The following DSE variants were observed in gnomAD, a reference collection of about 807,000 sequenced individuals.
DSE encodes the protein dermatan-sulfate epimerase.
A neutral mutation model predicts 84.4 loss-of-function variants in DSE; 36 were observed. That is an observed-to-expected ratio of 0.43 (90% CI 0.33 to 0.56). DSE has a LOEUF of 0.56. Ranked by LOEUF, DSE falls within the 20% of genes least tolerant of loss-of-function variation. The pLI is 0.06. For synonymous variants in DSE, 410 were observed against 430.1 expected (o/e 0.95, Z 0.58); for missense variants, 862 against 1,169.6 (o/e 0.74, Z 3.84).
intron 2 of DSE, among the ~76,000 whole-genome samples, chr6:116,330,183 T>C (rs1323338104): frequency 1.3e-5 from 2 of 152,244 alleles, no homozygotes; most frequent in African/African-American, 2.4e-5. Context: ...AGCTAAAATA[T>C]ATACTTTATT....
At chr6:116,371,280 C>T (rs1779543282) in intron 1 of DSE, among the ~76,000 whole-genome samples, 159 bp downstream of exon 1, 1 of 152,194 alleles carries the variant, frequency 6.6e-6, no homozygotes, top group Admixed American at 6.5e-5. Context: ...GCGCCCGGGC[C>T]CGGCTCGGCT....
intron 2 of DSE, among the ~76,000 whole-genome samples, chr6:116,358,346 G>C (rs1287952529): frequency 6.6e-6 from 1 of 152,218 alleles, no homozygotes; most frequent in Non-Finnish European, 1.5e-5. Context: ...GCAGACTGCA[G>C]CCTACATTGG....
intron 3 of DSE, among the ~76,000 whole-genome samples, chr6:116,428,609 A>G (rs1306187099): frequency 6.6e-6 from 1 of 152,208 alleles, no homozygotes; most frequent in African/African-American, 2.4e-5. Context: ...ATAAGTACAC[A>G]CATTTATGAC....
intron 2 of DSE, chr6:116,355,864 A>G (rs1032665750): frequency 6.6e-6 from 1 of 152,252 alleles, no homozygotes; most frequent in African/African-American, 2.4e-5. Flanking sequence ...GTTCTTTAAC[A>G]CATTTTAACT....
At position 116,433,545 on chromosome 6, in the gene DSE, T is replaced by C. The variant is rs1026502190; in HGVS notation, c.1113T>C (p.Phe371=). ...GQRWCTLHTE[F]LWYDGSLKSV... is the part of the protein sequence containing the mutation. ...GCTGGTGCACTCTGCACACAGAATT[T>C]CTCTGGTATGACACATTGGGCTAGC... The change falls in exon 5 of 6, where the codon TTT becomes TTC. Residue 371 remains phenylalanine, a synonymous_variant. Coordinates refer to ENST00000644252, the MANE Select transcript of DSE (RefSeq NM_013352.4). The C allele has an allele frequency of 1.3e-6, 2 of 1,586,704 alleles. No individual in the cohort carries two copies. The highest frequency in any genetic ancestry group is 2.7e-5 in the African/African-American group (2 of 74,568).
intron 2 of DSE, among the ~76,000 whole-genome samples, chr6:116,356,030 C>T (rs894736311): frequency 1.3e-5 from 2 of 152,264 alleles, no homozygotes; most frequent in African/African-American, 4.8e-5. Context: ...TATTGCTTCC[C>T]TTATTCAACC....
intron 2 of DSE, among the ~76,000 whole-genome samples, chr6:116,356,480 C>T (rs552199832): frequency 6.6e-6 from 1 of 152,246 alleles, no homozygotes; most frequent in Non-Finnish European, 1.5e-5. Flanking sequence ...TTTTTAAAAA[C>T]ATATTTTAAT....
chr6:116,435,258 T>C (rs760282953), intron 5 of DSE, among the ~76,000 whole-genome samples: 13 of 152,196 alleles, frequency 8.5e-5, no homozygotes, highest in African/African-American at 3.1e-4. Context: ...GAAATTTGGA[T>C]GAAGTGCTTA....
rs558482476 is a variant in DSE, at chr6:116,386,432, A to G, written c.-53-12766A>G. Reference sequence around the variant, plus strand: ...TATTTAACACAGCCAAAGGATACAGATTAAACTTAGCAAAGGGCAAAGGCA... The same window carrying G: ...TATTTAACACAGCCAAAGGATACAGGTTAAACTTAGCAAAGGGCAAAGGCA... On this transcript the variant is annotated intron_variant, in intron 1 of 5. Transcript: ENST00000644252. Among the ~76,000 whole-genome samples the G allele has an allele frequency of 3.3e-5, 5 of 152,368 alleles. No homozygotes were observed. In the South Asian group the frequency reaches 1.0e-3, roughly 32 times the overall value.
At chr6:116,287,040 C>A (rs1773953498) in intron 2 of DSE, among the ~76,000 whole-genome samples, 1 of 152,078 alleles carries the variant, frequency 6.6e-6, no homozygotes, top group Non-Finnish European at 1.5e-5. Context: ...TAAAGATCAT[C>A]TGAAGAAAGA....
intron 2 of DSE, among the ~76,000 whole-genome samples, chr6:116,296,457 A>C (rs1208464517): frequency 6.6e-6 from 1 of 152,196 alleles, no homozygotes; most frequent in Non-Finnish European, 1.5e-5. Flanking sequence ...GGAGAAAGAT[A>C]ATAAATATGA....
At chr6:116,346,416 C>A (rs1417704990) in intron 2 of DSE, among the ~76,000 whole-genome samples, 1 of 152,312 alleles carries the variant, frequency 6.6e-6, no homozygotes, top group Non-Finnish European at 1.5e-5. Context: ...AAAAGCTTAT[C>A]CACCATGATC....
chr6:116,335,836 C>T (rs1235130019), intron 2 of DSE, among the ~76,000 whole-genome samples: 4 of 152,192 alleles, frequency 2.6e-5, no homozygotes. Context: ...GAAGATTGAG[C>T]TCTTTGACTA....
intron 2 of DSE, among the ~76,000 whole-genome samples, chr6:116,421,442 C>CATATATATATATATATATATATAT (rs1325657865): frequency 2.6e-4 from 13 of 50,138 alleles, no homozygotes; most frequent in South Asian, 1.5e-3. Context: ...ACTATATATA[C>CATATATATATATATATATATATAT]ATATATATAT....
chr6:116,379,976 GTTATA>G (rs1780128960), intron 1 of DSE, among the ~76,000 whole-genome samples: 1 of 152,072 alleles, frequency 6.6e-6, no homozygotes, highest in African/African-American at 2.4e-5. Flanking sequence ...TGTTAGGGTG[GTTATA>G]TTACAGATCC....
chr6:116,337,173 G>A (rs1159439204), intron 2 of DSE, among the ~76,000 whole-genome samples: 2 of 152,160 alleles, frequency 1.3e-5, no homozygotes, highest in South Asian at 2.1e-4. Flanking sequence ...GGTAGAGCTC[G>A]TATATAGAGC....
intron 2 of DSE, among the ~76,000 whole-genome samples, chr6:116,328,835 G>C (rs551603630): frequency 2.6e-5 from 4 of 152,152 alleles, no homozygotes; most frequent in Non-Finnish European, 5.9e-5. Context: ...CATCCAGTCA[G>C]TGGTATGGGA....
At chr6:116,257,640 C>G (rs1428454962) in intron 1 of DSE, among the ~76,000 whole-genome samples, 1 of 152,160 alleles carries the variant, frequency 6.6e-6, no homozygotes, top group Admixed American at 6.5e-5. Flanking sequence ...CATCCTGATT[C>G]TTAGACTGTA....
At chr6:116,258,947 C>CTG in exon 2 of DSE, 1 of 1,522,764 alleles carries the variant, frequency 6.6e-7, no homozygotes, top group African/African-American at 1.4e-5. Flanking sequence ...CATTTGGCGG[C>CTG]ATACCACCCT....
Sources: gnomAD v4.1 joint callset for allele counts (sites outside exome capture counted in the v4.1 genomes callset) on GRCh38, gnomAD v4.1.1 for gene constraint, MANE v1.5 for transcripts, NCBI Gene and HGNC (gene_info 2026-07-23, HGNC 2026-07-21) for gene names.